Variants in SDC4 observed in about 807,000 individuals in gnomAD.
SDC4 encodes the protein syndecan-4.
A neutral mutation model predicts 20.5 loss-of-function variants in SDC4; 17 were observed. That is an observed-to-expected ratio of 0.83 (90% CI 0.57 to 1.25). The LOEUF (loss-of-function observed/expected upper bound fraction) is 1.25, where lower values mean the gene tolerates loss of function less well. Among genes scored for constraint, SDC4 ranks in the 50% most tolerant of loss-of-function variants. The pLI, the probability that SDC4 is intolerant of heterozygous loss-of-function variation, is 0.00. For missense variants in SDC4, 241 were observed against 252.3 expected, an observed-to-expected ratio of 0.96 and a Z score of 0.30; for synonymous variants, 107 against 105.3, an observed-to-expected ratio of 1.02 and a Z score of -0.10.
rs543520341 is a variant in SDC4, at chr20:45,348,242, C to G, written c.60+83G>C. ...GTAGCGTACCCCCGATCTGCCCCCC[C>G]CCATCCCACGCTCCGACGAACAAAG... On this transcript the variant is annotated intron_variant, in intron 1 of 4. Coordinates refer to ENST00000372733, the MANE Select transcript of SDC4 (RefSeq NM_002999.4). 620 of 1,216,996 alleles carry G rather than the reference C, an allele frequency of 5.1e-4. 20 individuals are homozygous for G. Among genetic ancestry groups the G allele is most frequent in the Non-Finnish European group, 6.7e-4 (568 of 849,040 alleles). 75.4% of individuals were successfully genotyped at this position (1,216,996 alleles called of 1,614,324 possible).
chr20:45,342,129 C>T (rs1026142010), intron 1 of SDC4, among the ~76,000 whole-genome samples: 5 of 152,154 alleles, frequency 3.3e-5, no homozygotes, highest in Non-Finnish European at 7.4e-5. Flanking sequence ...GATCCGAGGG[C>T]TAGGGAGGCT....
At chr20:45,347,092 C>A (rs1207443085) in intron 1 of SDC4, among the ~76,000 whole-genome samples, 1 of 152,086 alleles carries the variant, frequency 6.6e-6, no homozygotes, top group Non-Finnish European at 1.5e-5. Flanking sequence ...AATGTCTGGC[C>A]CCCCGACAAA....
chr20:45,340,542 C>T lies in SDC4; in HGVS notation c.61-4622G>A, dbSNP rs188831210. Among the ~76,000 whole-genome samples, 434 of 152,366 alleles carry T rather than the reference C, an allele frequency of 2.8e-3. 1 individual carries two copies. The highest frequency in any genetic ancestry group is 4.7e-3 in the Non-Finnish European group (317 of 68,034). On this transcript the variant is annotated intron_variant, in intron 1 of 4. Coordinates refer to ENST00000372733, the MANE Select transcript of SDC4 (RefSeq NM_002999.4). The stretch of plus-strand genomic sequence containing the variant: ...GGCCAGGGCTCCAGGGCAACCCTGT[C>T]CCTGCCTAGGAGTAAACAAAGGTGA...
At position 45,326,317 on chromosome 20, in the gene SDC4, G is replaced by A. The variant is rs1439539711; in HGVS notation, c.*947C>T. 1.4e-5 allele frequency: 2 copies of A among 147,946 alleles called. No homozygotes were observed. The highest frequency in any genetic ancestry group is 3.0e-5 in the Non-Finnish European group (2 of 67,230). 9.2% of individuals were successfully genotyped at this position (147,946 alleles called of 1,614,324 possible). ...AAAGTATAAAAAAAAAACTGGGGAA[G>A]GGGTTTAATGAAAGAGAACAAAGAA... is the stretch of plus-strand genomic sequence containing the variant. On this transcript the variant is annotated 3_prime_UTR_variant, in exon 5 of 5. Coordinates refer to ENST00000372733, the MANE Select transcript of SDC4 (RefSeq NM_002999.4).
intron 3 of SDC4, among the ~76,000 whole-genome samples, chr20:45,330,848 C>A (rs911153590): frequency 1.1e-4 from 16 of 152,290 alleles, no homozygotes; most frequent in African/African-American, 3.8e-4. Context: ...TCTAGAGCAA[C>A]CACTCTGGAA....
Position 45,348,424 on chromosome 20 carries a change from T to C in SDC4, c.-40A>G. 2.0e-6 allele frequency: 3 copies of C among 1,499,120 alleles called. No individual in the cohort carries two copies. Among genetic ancestry groups the C allele is most frequent in the Non-Finnish European group, 1.8e-6 (2 of 1,126,428 alleles). The allele number at this position is 1,499,120 out of a possible 1,614,324, so 92.9% of individuals were successfully genotyped here. On this transcript the variant is annotated 5_prime_UTR_variant, in exon 1 of 5. Transcript: ENST00000372733. ...GAGAAGGCGCGCAGGCTGCGGCGAG[T>C]GGCCCCGGGCGGGCGCGCCACCCAT...
chr20:45,344,402 G>A (rs1988000940), intron 1 of SDC4, among the ~76,000 whole-genome samples: 1 of 152,186 alleles, frequency 6.6e-6, no homozygotes, highest in Admixed American at 6.5e-5. Flanking sequence ...AGTTTGAAAG[G>A]AAATGGGTGA....
intron 1 of SDC4, among the ~76,000 whole-genome samples, chr20:45,343,176 C>A (rs574834336): frequency 6.6e-6 from 1 of 152,298 alleles, no homozygotes; most frequent in East Asian, 1.9e-4. Context: ...TAGTTAATGA[C>A]AAACAAGCCC....
chr20:45,338,478 G>A (rs976474164), intron 1 of SDC4, among the ~76,000 whole-genome samples: 3 of 152,174 alleles, frequency 2.0e-5, no homozygotes, highest in East Asian at 1.9e-4. Context: ...GTCTCAGGCT[G>A]AGAGACCTTT....
At chr20:45,347,784 G>A (rs147333925) in intron 1 of SDC4, among the ~76,000 whole-genome samples, 9 of 152,256 alleles carry the variant, frequency 5.9e-5, no homozygotes, top group African/African-American at 2.2e-4. Context: ...GCAGGACTTT[G>A]CCCTAAGTCA....
chr20:45,341,104 A>G (rs1987946517), intron 1 of SDC4, among the ~76,000 whole-genome samples: 1 of 152,222 alleles, frequency 6.6e-6, no homozygotes. Context: ...ATGAGGATTA[A>G]GAGGAATGCA....
intron 2 of SDC4, among the ~76,000 whole-genome samples, chr20:45,334,145 C>T (rs898632801): frequency 1.3e-5 from 2 of 151,728 alleles, no homozygotes; most frequent in African/African-American, 2.4e-5. Flanking sequence ...CAGGGGTGCA[C>T]CATGACACCC....
At chr20:45,337,971 C>T (rs1987898438) in intron 1 of SDC4, among the ~76,000 whole-genome samples, 2 of 152,174 alleles carry the variant, frequency 1.3e-5, no homozygotes, top group South Asian at 4.1e-4. Context: ...GAATTCAAGC[C>T]CCCGCACATA....
At chr20:45,327,607 A>C (rs1382874222) in intron 4 of SDC4, among the ~76,000 whole-genome samples, 192 bp from the exon 5 acceptor site, 1 of 152,230 alleles carries the variant, frequency 6.6e-6, no homozygotes, top group Admixed American at 6.5e-5. Flanking sequence ...GGTCGTTGGC[A>C]TTTTAAGTCA....
At chr20:45,328,545 C>A (rs770448819) in intron 4 of SDC4, among the ~76,000 whole-genome samples, 5 of 152,122 alleles carry the variant, frequency 3.3e-5, no homozygotes, top group Non-Finnish European at 5.9e-5. Flanking sequence ...GGAGAACCTG[C>A]CTAGTGTTGG....
rs1310993963 is a variant in SDC4 at position 45,327,226 on chromosome 20, TC to T, written c.*37del. The T allele has an allele frequency of 6.2e-7, 1 of 1,611,266 alleles. No individual in the cohort carries two copies. The highest frequency in any genetic ancestry group is 2.2e-5 in the East Asian group (1 of 44,776). ...ACCCTTCAAAATCCCCTGGCTTCCCTCCCCGCTAAAGTCCAAGCCAGTGCCC... is the reference window on the plus strand; with the variant it reads ...ACCCTTCAAAATCCCCTGGCTTCCCTCCCGCTAAAGTCCAAGCCAGTGCCC... On this transcript the variant is annotated 3_prime_UTR_variant, in exon 5 of 5. Coordinates refer to ENST00000372733, the MANE Select transcript of SDC4 (RefSeq NM_002999.4).
At chr20:45,339,999 A>G (rs1489022836) in intron 1 of SDC4, among the ~76,000 whole-genome samples, 1 of 152,188 alleles carries the variant, frequency 6.6e-6, no homozygotes, top group East Asian at 1.9e-4. Context: ...CTGGCAGCGG[A>G]GATGGACTTA....
At position 45,335,892 on chromosome 20, in the gene SDC4, T is replaced by TG. The variant is rs1282926381; in HGVS notation, c.88dup (p.Gln30ProfsTer17). 1 of 1,613,342 alleles carries TG rather than the reference T, an allele frequency of 6.2e-7. No homozygotes were observed. Among genetic ancestry groups the TG allele is most frequent in the Non-Finnish European group, 8.5e-7 (1 of 1,179,940 alleles). On this transcript the variant is annotated frameshift_variant, in exon 2 of 5. Coordinates refer to ENST00000372733, the MANE Select transcript of SDC4 (RefSeq NM_002999.4). LOFTEE classifies it high-confidence loss of function. The stretch of plus-strand genomic sequence containing the variant: ...GAAGTATCGGCCTTCTAGGAGGTCC[T>TG]GGGGGTCGATGACCTCAGTCTCTCG...
intron 1 of SDC4, among the ~76,000 whole-genome samples, chr20:45,339,612 C>T (rs571358404): frequency 2.0e-5 from 3 of 152,316 alleles, no homozygotes; most frequent in East Asian, 3.9e-4. Flanking sequence ...TGGTTGTGCA[C>T]GCCTGTGGTC....
Sources: gnomAD v4.1 joint callset for allele counts (sites outside exome capture counted in the v4.1 genomes callset) on GRCh38, gnomAD v4.1.1 for gene constraint, MANE v1.5 for transcripts, NCBI Gene and HGNC (gene_info 2026-07-23, HGNC 2026-07-21) for gene names.